Variants in SLC9A2 observed in about 807,000 individuals in gnomAD.
The protein encoded by SLC9A2 is solute carrier family 9 member A2, also known as sodium/hydrogen exchanger 2.
SLC9A2 carries 42 observed loss-of-function variants against 71.7 expected under a neutral mutation model. The observed-to-expected ratio is 0.59, with a 90% CI of 0.46 to 0.76. The LOEUF (loss-of-function observed/expected upper bound fraction) is 0.76, where lower values mean the gene tolerates loss of function less well. Ranked by LOEUF, SLC9A2 falls within the 30% of genes least tolerant of loss-of-function variation. The pLI is 0.00. For missense variants in SLC9A2, 829 were observed against 1,017.4 expected, an observed-to-expected ratio of 0.81 and a Z score of 2.52; for synonymous variants, 396 against 392.5, an observed-to-expected ratio of 1.01 and a Z score of -0.10.
At chr2:102,656,660 T>G (rs1026718715) in intron 1 of SLC9A2, among the ~76,000 whole-genome samples, 1 of 152,176 alleles carries the variant, frequency 6.6e-6, no homozygotes, top group African/African-American at 2.4e-5. Flanking sequence ...GTGTTCCAAA[T>G]GCAAGAATCA....
chr2:102,652,309 C>T (rs181847665), intron 1 of SLC9A2, among the ~76,000 whole-genome samples: 2 of 152,296 alleles, frequency 1.3e-5, no homozygotes, highest in East Asian at 1.9e-4. Flanking sequence ...CTCCCACATG[C>T]TCAGAGAACA....
rs545886643 is a variant in SLC9A2 at position 102,619,965 on chromosome 2, G to A, written c.117G>A (p.Ala39=). The A allele has an allele frequency of 3.1e-6, 5 of 1,612,764 alleles. No homozygotes were observed. In the South Asian group the frequency reaches 3.3e-5, roughly 11 times the overall value. Residue 39 remains alanine (A), a synonymous_variant, in exon 1 of 12, where the codon GCG becomes GCA. Coordinates refer to ENST00000233969, the MANE Select transcript of SLC9A2 (RefSeq NM_003048.6). The surrounding 1 kb of genome is among the most constrained non-coding windows in gnomAD (Gnocchi z 4.3). ...CCCTGGCGGAGACCTTGCTGAACGC[G>A]CCGAGGGCCATGGGCACCAGTTCCA... ...VGALAETLLN[A]PRAMGTSSSP...
chr2:102,650,179 T>C (rs943829963), intron 1 of SLC9A2, among the ~76,000 whole-genome samples: 6 of 152,318 alleles, frequency 3.9e-5, no homozygotes, highest in Middle Eastern at 3.4e-3. Flanking sequence ...GGGACATGGA[T>C]GAAGCCGGAA....
chr2:102,676,101 T>C (rs1176749120), intron 3 of SLC9A2, among the ~76,000 whole-genome samples: 1 of 152,234 alleles, frequency 6.6e-6, no homozygotes, highest in Non-Finnish European at 1.5e-5. Flanking sequence ...CATGCTGATG[T>C]TTCTAGGACT....
intron 7 of SLC9A2, among the ~76,000 whole-genome samples, chr2:102,699,335 C>T (rs553828507): frequency 9.9e-5 from 15 of 152,224 alleles, no homozygotes; most frequent in African/African-American, 3.1e-4. Flanking sequence ...ACACCAGTGA[C>T]GCTGCAGCTA....
chr2:102,684,026 A>G (rs556795028), intron 4 of SLC9A2, 108 bp from the exon 5 acceptor site: 2 of 778,406 alleles, frequency 2.6e-6, no homozygotes, highest in South Asian at 3.4e-5. Context: ...TTTGGGGCCT[A>G]TTCTTAAATC....
At chr2:102,633,797 A>G (rs1440443720) in intron 1 of SLC9A2, among the ~76,000 whole-genome samples, 1 of 152,232 alleles carries the variant, frequency 6.6e-6, no homozygotes, top group Non-Finnish European at 1.5e-5. Context: ...AAGTATTCAT[A>G]GGTTAAGAGA....
intron 1 of SLC9A2, among the ~76,000 whole-genome samples, chr2:102,644,359 G>A (rs1485220394): frequency 6.6e-6 from 1 of 152,170 alleles, no homozygotes; most frequent in East Asian, 1.9e-4. Context: ...CACAACCAGG[G>A]CCCTCGGTTT....
intron 3 of SLC9A2, among the ~76,000 whole-genome samples, chr2:102,667,713 C>T (rs1677167915): frequency 6.6e-6 from 1 of 152,136 alleles, no homozygotes. Context: ...TTGTTTCCAA[C>T]TTCAAAGTGA....
At chr2:102,691,544 A>G (rs1444412149) in intron 5 of SLC9A2, among the ~76,000 whole-genome samples, 1 of 152,180 alleles carries the variant, frequency 6.6e-6, no homozygotes, top group Non-Finnish European at 1.5e-5. Flanking sequence ...TTGAAGAAGG[A>G]AGGAAAGTAA....
chr2:102,637,097 G>A (rs531641517), intron 1 of SLC9A2, among the ~76,000 whole-genome samples: 2 of 152,330 alleles, frequency 1.3e-5, no homozygotes, highest in East Asian at 1.9e-4. Context: ...CCGAAGATCC[G>A]TTGAATCTGT....
At chr2:102,672,481 A>G (rs977376436) in intron 3 of SLC9A2, among the ~76,000 whole-genome samples, 1 of 152,200 alleles carries the variant, frequency 6.6e-6, no homozygotes, top group Non-Finnish European at 1.5e-5. Flanking sequence ...GGGAGGAATA[A>G]AAGAGAAATG....
chr2:102,682,488 C>A (rs1015247554), intron 3 of SLC9A2, among the ~76,000 whole-genome samples: 2 of 152,124 alleles, frequency 1.3e-5, no homozygotes, highest in Non-Finnish European at 2.9e-5. Flanking sequence ...GTGGACTTGA[C>A]CCTGGAGCCC....
chr2:102,642,267 T>C (rs915258781), intron 1 of SLC9A2, among the ~76,000 whole-genome samples: 2 of 152,180 alleles, frequency 1.3e-5, no homozygotes, highest in Non-Finnish European at 2.9e-5. Flanking sequence ...CTGGCTACCT[T>C]TCTGTGTGGT....
chr2:102,668,396 A>G lies in SLC9A2; in HGVS notation c.1004+3046A>G, dbSNP rs377596904. Among the ~76,000 whole-genome samples the G allele has an allele frequency of 3.9e-5, 6 of 152,036 alleles. No individual in the cohort carries two copies. In the South Asian group the frequency reaches 6.2e-4, roughly 16 times the overall value. On this transcript the variant is annotated intron_variant, in intron 3 of 11. Coordinates refer to ENST00000233969, the MANE Select transcript of SLC9A2 (RefSeq NM_003048.6). Reference sequence around the variant, plus strand: ...TAAAGTGCATTATGTGCACTTCCACATTGTAATTATTGTATTTACTTCAGT... The same window carrying G: ...TAAAGTGCATTATGTGCACTTCCACGTTGTAATTATTGTATTTACTTCAGT...
intron 5 of SLC9A2, among the ~76,000 whole-genome samples, chr2:102,692,549 T>G (rs1465187691): frequency 6.6e-6 from 1 of 152,126 alleles, no homozygotes; most frequent in Non-Finnish European, 1.5e-5. Flanking sequence ...AGCAAGAAAC[T>G]TGGGAATCTT....
chr2:102,649,093 C>A (rs1420923838), intron 1 of SLC9A2, among the ~76,000 whole-genome samples: 1 of 152,130 alleles, frequency 6.6e-6, no homozygotes, highest in East Asian at 1.9e-4. Flanking sequence ...GCTACAGTGA[C>A]CAAAACAGCA....
chr2:102,661,197 G>C (rs545007003), intron 2 of SLC9A2, among the ~76,000 whole-genome samples: 5 of 152,304 alleles, frequency 3.3e-5, no homozygotes, highest in African/African-American at 1.2e-4. Context: ...ATTAGGCAAA[G>C]ATTTTTCAGA....
intron 3 of SLC9A2, among the ~76,000 whole-genome samples, chr2:102,673,333 A>G (rs1208156554): frequency 6.6e-6 from 1 of 152,162 alleles, no homozygotes; most frequent in East Asian, 1.9e-4. Context: ...AAATCAATTC[A>G]CTGCATTCTT....
Sources: gnomAD v4.1 joint callset for allele counts (sites outside exome capture counted in the v4.1 genomes callset) on GRCh38, gnomAD v4.1.1 for gene constraint, Gnocchi (gnomAD v3.1) non-coding constraint, MANE v1.5 for transcripts, NCBI Gene and HGNC (gene_info 2026-07-23, HGNC 2026-07-21) for gene names.